SBF2: variants seen among roughly 807,000 people sequenced by gnomAD.
SBF2 encodes the protein SET binding factor 2, also known as myotubularin-related protein 13.
Under a neutral mutation model 225.2 loss-of-function variants are expected in SBF2, and 112 were observed. The observed-to-expected ratio is 0.50, with a 90% confidence interval of 0.43 to 0.58. The LOEUF (loss-of-function observed/expected upper bound fraction) is 0.58, where lower values mean the gene tolerates loss of function less well. Ranked by LOEUF, SBF2 falls within the 20% of genes least tolerant of loss-of-function variation. SBF2 has a pLI of 0.00. For synonymous variants in SBF2, 763 were observed against 773.3 expected, an observed-to-expected ratio of 0.99 and a Z score of 0.22; for missense variants, 1,996 against 2,206.2, an observed-to-expected ratio of 0.90 and a Z score of 1.91.
intron 2 of SBF2, among the ~76,000 whole-genome samples, chr11:10,147,681 T>A (rs187528353): frequency 9.2e-5 from 14 of 152,234 alleles, no homozygotes; most frequent in Admixed American, 3.3e-4. Flanking sequence ...TAAATTTACC[T>A]ATATAAAAAA....
intron 14 of SBF2, among the ~76,000 whole-genome samples, chr11:9,966,073 T>C (rs2134377316): frequency 6.6e-6 from 1 of 152,182 alleles, no homozygotes; most frequent in East Asian, 1.9e-4. Context: ...GAAAAAAACA[T>C]ATTTTCTTTT....
At chr11:10,011,114 C>T (rs1416699420) in intron 6 of SBF2, among the ~76,000 whole-genome samples, 2 of 152,168 alleles carry the variant, frequency 1.3e-5, no homozygotes, top group Non-Finnish European at 2.9e-5. Flanking sequence ...AAAAAATACA[C>T]ATATAGTCTA....
intron 29 of SBF2, among the ~76,000 whole-genome samples, chr11:9,814,267 C>T (rs558389202): frequency 1.3e-5 from 2 of 152,224 alleles, no homozygotes; most frequent in South Asian, 4.2e-4. Context: ...TCATTGTGCC[C>T]AAATTACTCT....
At chr11:10,215,094 A>T (rs1037791946) in intron 1 of SBF2, among the ~76,000 whole-genome samples, 1 of 152,164 alleles carries the variant, frequency 6.6e-6, no homozygotes, top group Non-Finnish European at 1.5e-5. Flanking sequence ...CTGCTAAATG[A>T]CAAGGCTGCC....
At chr11:10,201,019 C>G (rs1957552742) in intron 1 of SBF2, among the ~76,000 whole-genome samples, 4 of 152,308 alleles carry the variant, frequency 2.6e-5, no homozygotes, top group Middle Eastern at 3.4e-3. Context: ...ATTCCATTCT[C>G]TCCCAAAACA....
intron 16 of SBF2, among the ~76,000 whole-genome samples, chr11:9,947,232 A>G (rs1166981533): frequency 6.6e-6 from 1 of 152,204 alleles, no homozygotes; most frequent in African/African-American, 2.4e-5. Context: ...GGGTTAGTCC[A>G]TTGTTTTAAA....
intron 1 of SBF2, among the ~76,000 whole-genome samples, chr11:10,256,674 C>T (rs1442538638): frequency 6.6e-6 from 1 of 152,204 alleles, no homozygotes; most frequent in Admixed American, 6.5e-5. Context: ...AAAAATCTGG[C>T]CTACCCTCTC....
At chr11:9,882,794 TC>T (rs1859920015) in intron 17 of SBF2, among the ~76,000 whole-genome samples, 1 of 31,490 alleles carries the variant, frequency 3.2e-5, no homozygotes, top group African/African-American at 7.0e-5. Flanking sequence ...GGTGACAGAG[TC>T]AAAAAAAAAA....
intron 1 of SBF2, among the ~76,000 whole-genome samples, chr11:10,213,378 A>G (rs1958011666): frequency 2.0e-5 from 3 of 152,204 alleles, no homozygotes; most frequent in Non-Finnish European, 4.4e-5. Context: ...AAACAAGCAG[A>G]CAATCAGAAC....
At chr11:9,900,704 G>A (rs1260211051) in intron 16 of SBF2, among the ~76,000 whole-genome samples, 2 of 152,128 alleles carry the variant, frequency 1.3e-5, no homozygotes, top group Non-Finnish European at 2.9e-5. Context: ...TTGCGGCACT[G>A]AAACTTTATT....
intron 17 of SBF2, among the ~76,000 whole-genome samples, chr11:9,891,539 G>A (rs1860815420): frequency 6.6e-6 from 1 of 152,154 alleles, no homozygotes; most frequent in African/African-American, 2.4e-5. Context: ...CTCTGAAACA[G>A]ATATAAGCAC....
chr11:9,994,148 T>C (rs1471584502), intron 9 of SBF2, 150 bp from the exon 10 acceptor site: 8 of 708,088 alleles, frequency 1.1e-5, no homozygotes, highest in Non-Finnish European at 1.7e-5. Context: ...ATATGTACTA[T>C]TGTAGAAAGA....
rs191826913 is a variant in SBF2 at position 9,782,823 on chromosome 11, T to C, written c.5320-1185A>G. 2.6e-3 allele frequency among the ~76,000 whole-genome samples: 391 copies of C among 150,588 alleles called. 3 individuals are homozygous for C. The highest frequency in any genetic ancestry group is 9.1e-3 in the African/African-American group (372 of 40,962). On this transcript the variant is annotated intron_variant, in intron 38 of 39. Transcript: ENST00000256190. ...AGGTGGAGCTTGCAGTGAGCCGAGATTGCACCACTGCACTCCAGCCTGGGT... is the reference window on the plus strand; with the variant it reads ...AGGTGGAGCTTGCAGTGAGCCGAGACTGCACCACTGCACTCCAGCCTGGGT...
chr11:10,293,048 A>T (rs976612052), intron 1 of SBF2, among the ~76,000 whole-genome samples: 1 of 152,224 alleles, frequency 6.6e-6, no homozygotes. Context: ...CAATCTCAGC[A>T]TCTCTGAAAA....
intron 16 of SBF2, among the ~76,000 whole-genome samples, chr11:9,941,042 G>A (rs1029825763): frequency 6.6e-6 from 1 of 152,214 alleles, no homozygotes; most frequent in Non-Finnish European, 1.5e-5. Flanking sequence ...AAGGCTGGAT[G>A]TGGTGGCTCA....
chr11:10,210,077 A>C (rs1565357662), intron 1 of SBF2, among the ~76,000 whole-genome samples: 1 of 152,132 alleles, frequency 6.6e-6, no homozygotes, highest in Non-Finnish European at 1.5e-5. Flanking sequence ...AGGCTGAGGC[A>C]GGAGGATCAC....
chr11:10,228,533 C>T (rs901760533), intron 1 of SBF2, among the ~76,000 whole-genome samples: 8 of 151,988 alleles, frequency 5.3e-5, no homozygotes, highest in African/African-American at 1.4e-4. Flanking sequence ...TAGCATGAAG[C>T]ATTGTTGAAT....
At chr11:10,287,360 C>T (rs892435881) in intron 1 of SBF2, among the ~76,000 whole-genome samples, 1 of 152,168 alleles carries the variant, frequency 6.6e-6, no homozygotes, top group East Asian at 1.9e-4. Flanking sequence ...TGACTCACTG[C>T]AGCTTCGAAC....
chr11:9,866,967 T>C (rs1480920042), intron 17 of SBF2, among the ~76,000 whole-genome samples: 1 of 152,126 alleles, frequency 6.6e-6, no homozygotes, highest in Non-Finnish European at 1.5e-5. Flanking sequence ...ACAGGCATAT[T>C]AAAAAATGCT....
Sources: gnomAD v4.1 joint callset for allele counts (sites outside exome capture counted in the v4.1 genomes callset) on GRCh38, gnomAD v4.1.1 for gene constraint, MANE v1.5 for transcripts, NCBI Gene and HGNC (gene_info 2026-07-23, HGNC 2026-07-21) for gene names.